FZD6: variants seen among roughly 807,000 people sequenced by gnomAD.
The protein encoded by FZD6 is frizzled-6.
FZD6 carries 49 observed loss-of-function variants against 61.4 expected under a neutral mutation model. That is an observed-to-expected ratio of 0.80 (90% CI 0.63 to 1.01). The LOEUF is 1.01. Ranked by LOEUF, FZD6 falls within the 50% of genes least tolerant of loss-of-function variation. The pLI is 0.00. For synonymous variants in FZD6, 265 were observed against 292.2 expected (o/e 0.91, Z 0.95); for missense variants, 724 against 848.2 (o/e 0.85, Z 1.82).
At position 103,325,434 on chromosome 8, in the gene FZD6, T is replaced by C; in HGVS notation, c.1328T>C (p.Ile443Thr). The change falls in exon 4 of 7, where the codon ATT becomes ACT. Residue 443 changes from isoleucine to threonine, a missense_variant. By Grantham distance (89) the Ile-to-Thr change is moderately conservative (BLOSUM62 -1). Coordinates refer to ENST00000358755, the MANE Select transcript of FZD6 (RefSeq NM_003506.4). ...TACGTCTATGAGCAAGTGAACAGGA[T>C]TACCTGGGAGATAACTTGGGTCTCT... ...GCYVYEQVNR[I>T]TWEITWVSDH... The C allele has an allele frequency of 6.2e-7, 1 of 1,613,768 alleles. No individual in the cohort carries two copies.
At chr8:103,305,949 T>G in intron 2 of FZD6, among the ~76,000 whole-genome samples, 1 of 152,262 alleles carries the variant, frequency 6.6e-6, no homozygotes, top group South Asian at 2.1e-4. Context: ...TAATGAAGCT[T>G]TATTACTCTA....
Position 103,318,617 on chromosome 8 carries a change from T to A in FZD6, c.205T>A (p.Cys69Ser). Residue 69 changes from cysteine to serine, a missense_variant, in exon 3 of 7, where the codon TGT becomes AGT. Coordinates refer to ENST00000358755, the MANE Select transcript of FZD6 (RefSeq NM_003506.4). ...TTTTCTTCCTCTCGCAAATCTGGAA[T>A]GTTCACCAAACATTGAAACTTTCCT... Reference protein sequence around the residue: ...EHFLPLANLECSPNIETFLCK... With the variant: ...EHFLPLANLESSPNIETFLCK... 6.2e-7 allele frequency: 1 copy of A among 1,609,872 alleles called. No individual in the cohort carries two copies. Among genetic ancestry groups the A allele is most frequent in the Non-Finnish European group, 8.5e-7 (1 of 1,176,140 alleles).
intron 2 of FZD6, among the ~76,000 whole-genome samples, chr8:103,304,703 C>A (rs552892210): frequency 9.2e-5 from 14 of 152,184 alleles, no homozygotes; most frequent in Non-Finnish European, 2.1e-4. Context: ...TATATTTGGC[C>A]CAGGGGCTAC....
chr8:103,299,211 A>G (rs1016457798), intron 1 of FZD6, among the ~76,000 whole-genome samples: 89 of 152,330 alleles, frequency 5.8e-4, no homozygotes, highest in Non-Finnish European at 7.6e-4. Context: ...CGCGCAGGCC[A>G]GGAACGCTGC....
chr8:103,311,975 A>G (rs1029927873), intron 2 of FZD6, among the ~76,000 whole-genome samples: 1 of 152,202 alleles, frequency 6.6e-6, no homozygotes, highest in African/African-American at 2.4e-5. Flanking sequence ...TTAAATAAGA[A>G]TTAGAACTTA....
chr8:103,309,246 C>T (rs774760228), intron 2 of FZD6, among the ~76,000 whole-genome samples: 27 of 152,214 alleles, frequency 1.8e-4, no homozygotes, highest in Non-Finnish European at 3.5e-4. Context: ...TTGTTGGGAA[C>T]CACTGCTCTA....
intron 2 of FZD6, among the ~76,000 whole-genome samples, chr8:103,310,686 G>T (rs929027071): frequency 6.6e-6 from 1 of 152,096 alleles, no homozygotes; most frequent in Non-Finnish European, 1.5e-5. Flanking sequence ...ACTCATGCTC[G>T]TTATATTATT....
intron 2 of FZD6, among the ~76,000 whole-genome samples, chr8:103,301,647 C>T (rs72673370): frequency 6.6e-6 from 1 of 152,120 alleles, no homozygotes; most frequent in Non-Finnish European, 1.5e-5. Context: ...CTCAAGTGAT[C>T]CGTCCTGCCT....
intron 2 of FZD6, among the ~76,000 whole-genome samples, chr8:103,308,334 G>A (rs1390724180): frequency 6.6e-6 from 1 of 152,098 alleles, no homozygotes; most frequent in Admixed American, 6.5e-5. Flanking sequence ...TGCTTTTCCG[G>A]ACTCCTAATA....
At chr8:103,303,925 G>GT (rs5893647) in intron 2 of FZD6, among the ~76,000 whole-genome samples, 110 of 148,952 alleles carry the variant, frequency 7.4e-4, no homozygotes, top group Admixed American at 1.8e-3. Context: ...ATATGAGTCA[G>GT]TTTTTTTTTT....
intron 2 of FZD6, among the ~76,000 whole-genome samples, chr8:103,303,551 C>T (rs1814233549): frequency 6.6e-6 from 1 of 151,958 alleles, no homozygotes; most frequent in Non-Finnish European, 1.5e-5. Flanking sequence ...ATACTAAGTA[C>T]AATGCCTCTG....
intron 6 of FZD6, 117 bp downstream of exon 6, chr8:103,330,182 C>A: frequency 2.1e-6 from 2 of 947,606 alleles, no homozygotes; most frequent in Non-Finnish European, 3.3e-6. Context: ...GTACTCTTAC[C>A]CCAAGGAAGT....
At chr8:103,326,790 T>C (rs188567754) in intron 4 of FZD6, among the ~76,000 whole-genome samples, 441 of 151,518 alleles carry the variant, frequency 2.9e-3, no homozygotes, top group African/African-American at 0.01. Context: ...CTAATTTCTC[T>C]AATTTATAAA....
intron 2 of FZD6, among the ~76,000 whole-genome samples, chr8:103,317,642 A>G (rs1814664130): frequency 6.6e-6 from 1 of 152,122 alleles, no homozygotes; most frequent in Non-Finnish European, 1.5e-5. Context: ...CCTGGCCAAC[A>G]TGGTGAAACT....
In FZD6 at chr8:103,299,998, T is replaced by A; in HGVS notation, c.-110T>A. 1.3e-6 allele frequency: 1 copy of A among 753,628 alleles called. No homozygotes were observed. Among genetic ancestry groups the A allele is most frequent in the Non-Finnish European group, 2.4e-6 (1 of 423,748 alleles). 46.7% of individuals were successfully genotyped at this position (753,628 alleles called of 1,614,324 possible). Reference sequence around the variant, plus strand: ...ATTTTCAGGAAAGCCTGAAAATGAGTAAAATAGTGAAATGAGGAATTTGAA... The same window carrying A: ...ATTTTCAGGAAAGCCTGAAAATGAGAAAAATAGTGAAATGAGGAATTTGAA... On this transcript the variant is annotated 5_prime_UTR_variant, in exon 2 of 7. Transcript: ENST00000358755.
rs755791699 is a variant in FZD6, at chr8:103,318,711, A to G, written c.299A>G (p.Glu100Gly). Reference sequence around the variant, plus strand: ...GTTCCACCTTGTCGTAAACTTTGTGAGAAAGTATATTCTGATTGCAAAAAA... The same window carrying G: ...GTTCCACCTTGTCGTAAACTTTGTGGGAAAGTATATTCTGATTGCAAAAAA... ...HVVPPCRKLCEKVYSDCKKLI... is the reference protein window; with the variant it reads ...HVVPPCRKLCGKVYSDCKKLI... Residue 100 changes from glutamate to glycine, a missense_variant, in exon 3 of 7, where the codon GAG becomes GGG. Glu to Gly is a moderately conservative substitution (Grantham distance 98). Coordinates refer to ENST00000358755, the MANE Select transcript of FZD6 (RefSeq NM_003506.4). 6.2e-7 allele frequency: 1 copy of G among 1,610,694 alleles called. No individual in the cohort carries two copies. Among genetic ancestry groups the G allele is most frequent in the South Asian group, 1.1e-5 (1 of 91,016 alleles).
intron 2 of FZD6, among the ~76,000 whole-genome samples, chr8:103,316,557 C>T (rs568383016): frequency 1.3e-5 from 2 of 152,264 alleles, no homozygotes; most frequent in Admixed American, 1.3e-4. Context: ...AACAGGGATA[C>T]TTGAAAGTTT....
chr8:103,315,201 T>G lies in FZD6; in HGVS notation c.178-3389T>G, dbSNP rs532300758. ...TCAGAATTTTCATCTTCTCTCACTCTACTTATTCTCCTTAGGTAATTTCAG... is the reference window on the plus strand; with the variant it reads ...TCAGAATTTTCATCTTCTCTCACTCGACTTATTCTCCTTAGGTAATTTCAG... On this transcript the variant is annotated intron_variant, in intron 2 of 6. Coordinates refer to ENST00000358755, the MANE Select transcript of FZD6 (RefSeq NM_003506.4). 5.9e-5 allele frequency among the ~76,000 whole-genome samples: 9 copies of G among 152,352 alleles called. No individual in the cohort carries two copies. The South Asian group carries it at 1.9e-3, about 32-fold the overall frequency.
intron 3 of FZD6, among the ~76,000 whole-genome samples, chr8:103,323,151 A>C (rs968026838): frequency 6.6e-6 from 1 of 152,168 alleles, no homozygotes; most frequent in Non-Finnish European, 1.5e-5. Context: ...ATAGTTAGTA[A>C]ATAATGTAAT....
Sources: gnomAD v4.1 joint callset for allele counts (sites outside exome capture counted in the v4.1 genomes callset) on GRCh38, gnomAD v4.1.1 for gene constraint, MANE v1.5 for transcripts, NCBI Gene and HGNC (gene_info 2026-07-23, HGNC 2026-07-21) for gene names.